Variants in CRY1 observed in about 807,000 individuals in gnomAD.
The protein encoded by CRY1 is cryptochrome-1.
Under a neutral mutation model 76.0 loss-of-function variants are expected in CRY1, and 45 were observed. That is an observed-to-expected ratio of 0.59 (90% CI 0.47 to 0.76). The LOEUF is 0.76. CRY1 is among the 30% of genes least tolerant of loss of function. The probability of loss-of-function intolerance (pLI) is 0.00; values close to 1 mark genes in which losing one functional copy is unlikely to be tolerated. For missense variants in CRY1, 587 were observed against 716.4 expected, an observed-to-expected ratio of 0.82 and a Z score of 2.06; for synonymous variants, 248 against 244.0, an observed-to-expected ratio of 1.02 and a Z score of -0.15.
intron 1 of CRY1, among the ~76,000 whole-genome samples, chr12:107,084,559 C>A (rs1953372215): frequency 6.6e-6 from 1 of 151,972 alleles, no homozygotes; most frequent in South Asian, 2.1e-4. Flanking sequence ...TTGACAAAAA[C>A]AAGAAATGGG....
rs1160937379 is a variant in CRY1, at chr12:107,026,157, A to ACATATATGTTATATATGTTATATATGT, written c.159-3966_159-3965insACATATATAACATATATAACATATATG. Among the ~76,000 whole-genome samples, 21 of 75,670 alleles carry ACATATATGTTATATATGTTATATATGT rather than the reference A, an allele frequency of 2.8e-4. No individual in the cohort carries two copies. The East Asian group carries it at 2.9e-3, about 10-fold the overall frequency. 49.6% of individuals were successfully genotyped at this position (75,670 alleles called of 152,430 possible). A position where few individuals can be genotyped will look rare whatever the true frequency, so the allele number is the denominator to read the frequency against. On this transcript the variant is annotated intron_variant, in intron 1 of 12. Coordinates refer to ENST00000008527, the MANE Select transcript of CRY1 (RefSeq NM_004075.5). Reference sequence around the variant, plus strand: ...TACATATATATTACATATATATATAAAATATATATATATATATTACATATA... The same window carrying ACATATATGTTATATATGTTATATATGT: ...TACATATATATTACATATATATATAACATATATGTTATATATGTTATATATGTAATATATATATATATATTACATATA...
At chr12:107,057,015 G>A (rs1389501065) in intron 1 of CRY1, among the ~76,000 whole-genome samples, 2 of 152,140 alleles carry the variant, frequency 1.3e-5, no homozygotes, top group South Asian at 2.1e-4. Context: ...TTAGGCAGAA[G>A]TAAAGTGATT....
At chr12:107,060,703 A>T (rs1953035864) in intron 1 of CRY1, among the ~76,000 whole-genome samples, 1 of 152,128 alleles carries the variant, frequency 6.6e-6, no homozygotes, top group African/African-American at 2.4e-5. Context: ...TTTTTAAAAA[A>T]ATTTGGGCCG....
At chr12:107,066,703 A>G (rs1953116053) in intron 1 of CRY1, among the ~76,000 whole-genome samples, 2 of 150,796 alleles carry the variant, frequency 1.3e-5, no homozygotes, top group African/African-American at 4.9e-5. Flanking sequence ...TGAGCTCAAC[A>G]TCCACCCGCC....
chr12:107,030,544 A>C (rs1270353818), intron 1 of CRY1, among the ~76,000 whole-genome samples: 2 of 152,230 alleles, frequency 1.3e-5, no homozygotes, highest in East Asian at 3.8e-4. Flanking sequence ...TGTATCAATT[A>C]AGAAGAATTT....
intron 1 of CRY1, among the ~76,000 whole-genome samples, chr12:107,049,398 G>C (rs1952890562): frequency 6.6e-6 from 1 of 152,098 alleles, no homozygotes; most frequent in African/African-American, 2.4e-5. Flanking sequence ...GTTTTGGGAT[G>C]GGGTCTCATT....
chr12:107,092,904 C>T lies in CRY1; in HGVS notation c.58G>A (p.Ala20Thr), dbSNP rs956234346. ...RKGLRLHDNP[A>T]LKECIQGADT... ...GCGCCCTGAATGCACTCCTTCAGGG[C>T]GGGGTTGTCGTGGAGCCGGAGCCCC... The change falls in exon 1 of 13, where the codon GCC (alanine) becomes ACC (threonine). Residue 20 changes from alanine (A) to threonine (T), a missense_variant. Transcript: ENST00000008527. The T allele has an allele frequency of 6.2e-7, 1 of 1,607,870 alleles. No homozygotes were observed. Among genetic ancestry groups the T allele is most frequent in the Non-Finnish European group, 8.5e-7 (1 of 1,178,222 alleles).
intron 10 of CRY1, 138 bp from the exon 11 acceptor site, chr12:106,993,174 A>G: frequency 1.3e-6 from 1 of 794,168 alleles, no homozygotes; most frequent in Non-Finnish European, 2.0e-6. Context: ...CAATCTTCCT[A>G]TGAACCAAAA....
chr12:107,009,563 C>CATACATAT (rs1952418236), intron 2 of CRY1, among the ~76,000 whole-genome samples: 1 of 90,970 alleles, frequency 1.1e-5, no homozygotes, highest in Non-Finnish European at 2.1e-5. Flanking sequence ...AACAAAAAAA[C>CATACATAT]ATATATATAT....
Position 107,001,792 on chromosome 12 carries a change from T to A in CRY1, c.567A>T (p.Lys189Asn). ...TTPLSDDHDE[K>N]YGVPSLEELG... ...GCTCTTCCAGTGAAGGGACTCCATA[T>A]TTCTCATCATGGTCATCAGACAGAG... Residue 189 changes from lysine (K) to asparagine (N), a missense_variant, in exon 4 of 13, where the codon AAA (lysine) becomes AAT (asparagine). Coordinates refer to ENST00000008527, the MANE Select transcript of CRY1 (RefSeq NM_004075.5). The A allele has an allele frequency of 6.4e-7, 1 of 1,571,986 alleles. No individual in the cohort carries two copies. The highest frequency in any genetic ancestry group is 8.6e-7 in the Non-Finnish European group (1 of 1,169,144).
chr12:107,058,600 A>T (rs1389038901), intron 1 of CRY1, among the ~76,000 whole-genome samples: 6 of 152,232 alleles, frequency 3.9e-5, no homozygotes, highest in East Asian at 1.9e-4. Context: ...TTGTTCTAAA[A>T]TAAAAAACTG....
intron 1 of CRY1, among the ~76,000 whole-genome samples, chr12:107,090,609 G>A (rs1953458977): frequency 6.6e-6 from 1 of 152,194 alleles, no homozygotes; most frequent in Admixed American, 6.5e-5. Flanking sequence ...CCAACAGGGT[G>A]AGAATTGGGG....
chr12:106,998,342 CA>C (rs1465532044), intron 7 of CRY1, among the ~76,000 whole-genome samples: 1 of 152,050 alleles, frequency 6.6e-6, no homozygotes, highest in East Asian at 1.9e-4. Flanking sequence ...ATATTCAAAT[CA>C]CTGATTTAAA....
intron 2 of CRY1, among the ~76,000 whole-genome samples, chr12:107,021,773 A>T (rs1952561796): frequency 6.6e-6 from 1 of 152,154 alleles, no homozygotes; most frequent in East Asian, 1.9e-4. Flanking sequence ...TTATGCAAAG[A>T]ATATTTCTAA....
At chr12:107,008,126 GA>G (rs981367820) in intron 2 of CRY1, among the ~76,000 whole-genome samples, 1 of 152,144 alleles carries the variant, frequency 6.6e-6, no homozygotes, top group African/African-American at 2.4e-5. Context: ...GTATCACATA[GA>G]AGAGGAGAAT....
At chr12:107,032,818 C>T (rs1415591872) in intron 1 of CRY1, among the ~76,000 whole-genome samples, 1 of 152,108 alleles carries the variant, frequency 6.6e-6, no homozygotes, top group African/African-American at 2.4e-5. Context: ...AAATTGGTAT[C>T]ATTTATATGT....
At chr12:106,996,788 C>T (rs1335270959) in intron 10 of CRY1, among the ~76,000 whole-genome samples, 1 of 152,124 alleles carries the variant, frequency 6.6e-6, no homozygotes, top group African/African-American at 2.4e-5. Context: ...TTATTAATAT[C>T]ACACATAAGA....
intron 1 of CRY1, among the ~76,000 whole-genome samples, chr12:107,087,785 C>T (rs1200940931): frequency 1.3e-5 from 2 of 152,140 alleles, no homozygotes; most frequent in African/African-American, 4.8e-5. Context: ...TGGTGGCTTA[C>T]ACCTATAATC....
chr12:107,067,635 C>T (rs745649332), intron 1 of CRY1, among the ~76,000 whole-genome samples: 5 of 151,682 alleles, frequency 3.3e-5, no homozygotes, highest in Non-Finnish European at 5.9e-5. Flanking sequence ...AAATCTGTGA[C>T]ATCTGGAAAA....
Sources: gnomAD v4.1 joint callset for allele counts (sites outside exome capture counted in the v4.1 genomes callset) on GRCh38, gnomAD v4.1.1 for gene constraint, MANE v1.5 for transcripts, NCBI Gene and HGNC (gene_info 2026-07-23, HGNC 2026-07-21) for gene names.